Variants in VWA8 observed in about 807,000 individuals in gnomAD.
The protein encoded by VWA8 is von Willebrand factor A domain containing 8.
Under a neutral mutation model 241.5 loss-of-function variants are expected in VWA8, and 221 were observed. The observed-to-expected ratio is 0.91, with a 90% CI of 0.82 to 1.02. VWA8 has a LOEUF of 1.02. VWA8 is among the 50% of genes least tolerant of loss of function. VWA8 has a pLI of 0.00. For missense variants in VWA8, 2,322 were observed against 2,328.7 expected, an observed-to-expected ratio of 1.00 and a Z score of 0.06; for synonymous variants, 852 against 827.1, an observed-to-expected ratio of 1.03 and a Z score of -0.52.
intron 37 of VWA8, among the ~76,000 whole-genome samples, chr13:41,643,791 G>T (rs535328148): frequency 6.6e-6 from 1 of 151,948 alleles, no homozygotes; most frequent in South Asian, 2.1e-4. Context: ...AAAGAAAGCA[G>T]CTCTTTCTGT....
At chr13:41,798,069 A>C (rs1239504676) in intron 17 of VWA8, among the ~76,000 whole-genome samples, 1 of 152,194 alleles carries the variant, frequency 6.6e-6, no homozygotes, top group Non-Finnish European at 1.5e-5. Flanking sequence ...ACACACACAT[A>C]CTTGAACTAA....
intron 21 of VWA8, among the ~76,000 whole-genome samples, chr13:41,736,131 G>C (rs1309051513): frequency 2.0e-5 from 3 of 152,098 alleles, no homozygotes; most frequent in Admixed American, 6.5e-5. Context: ...GCTTAAAAAA[G>C]AGATGTCTTT....
intron 26 of VWA8, among the ~76,000 whole-genome samples, chr13:41,714,757 C>T (rs370967354): frequency 7.9e-5 from 12 of 151,886 alleles, no homozygotes; most frequent in Non-Finnish European, 1.3e-4. Context: ...TTATCTGCTT[C>T]GTGGTTACTC....
At chr13:41,912,658 T>C (rs974638594) in intron 2 of VWA8, among the ~76,000 whole-genome samples, 1 of 152,208 alleles carries the variant, frequency 6.6e-6, no homozygotes, top group Non-Finnish European at 1.5e-5. Flanking sequence ...GAGAAAAGCA[T>C]ACTACAACTT....
intron 26 of VWA8, among the ~76,000 whole-genome samples, chr13:41,713,993 TAGAA>T (rs1290345835): frequency 2.0e-5 from 3 of 151,928 alleles, no homozygotes; most frequent in South Asian, 4.1e-4. Flanking sequence ...TAAAAATAAT[TAGAA>T]AGAAATATTT....
chr13:41,935,479 G>A lies in VWA8; in HGVS notation c.241+14457C>T, dbSNP rs558282065. Among the ~76,000 whole-genome samples the A allele has an allele frequency of 2.4e-4, 36 of 152,024 alleles. 2 individuals are homozygous for A. Among genetic ancestry groups the A allele is most frequent in the Non-Finnish European group, 1.3e-4 (9 of 67,928 alleles). ...TTGTGGGTCAGGTCATAGAAAAAGC[G>A]GTTAGAACTTATAATAGATGTATAT... is the stretch of plus-strand genomic sequence containing the variant. On this transcript the variant is annotated intron_variant, in intron 2 of 44. Coordinates refer to ENST00000379310, the MANE Select transcript of VWA8 (RefSeq NM_015058.2).
In VWA8 at chr13:41,961,064, G is replaced by T; in HGVS notation, c.-49C>A. 2 of 1,350,876 alleles carry T rather than the reference G, an allele frequency of 1.5e-6. No homozygotes were observed. The highest frequency in any genetic ancestry group is 1.9e-6 in the Non-Finnish European group (2 of 1,055,804). The allele number at this position is 1,350,876 out of a possible 1,614,324, so 83.7% of individuals were successfully genotyped here. A position where few individuals can be genotyped will look rare whatever the true frequency, so the allele number is the denominator to read the frequency against. ...CGGCGAGGGGGCTCGGGGATCGAGC[G>T]GCGTCCCGTGCAGGCACCGTGAGGC... On this transcript the variant is annotated 5_prime_UTR_variant, in exon 1 of 45. Transcript: ENST00000379310.
chr13:41,615,291 A>T (rs893084752), intron 37 of VWA8, among the ~76,000 whole-genome samples: 5 of 152,212 alleles, frequency 3.3e-5, no homozygotes, highest in Admixed American at 2.0e-4. Context: ...CTAATTTTTT[A>T]AAAAACTCTT....
At chr13:41,816,649 C>G in intron 16 of VWA8, 49 bp downstream of exon 16, 2 of 1,525,454 alleles carry the variant, frequency 1.3e-6, no homozygotes, top group South Asian at 2.4e-5. Context: ...AAAAGAAAAC[C>G]AGCAGCATGT....
chr13:41,602,670 G>C (rs1265602276), intron 40 of VWA8, among the ~76,000 whole-genome samples: 1 of 152,098 alleles, frequency 6.6e-6, no homozygotes, highest in Non-Finnish European at 1.5e-5. Flanking sequence ...TCCTTCTATA[G>C]AGAATGCTGC....
At chr13:41,913,708 G>C (rs541277307) in intron 2 of VWA8, among the ~76,000 whole-genome samples, 1 of 152,266 alleles carries the variant, frequency 6.6e-6, no homozygotes, top group Non-Finnish European at 1.5e-5. Context: ...TGGGTAAATT[G>C]TTTGGTTTAT....
At chr13:41,597,595 G>A (rs2044496893) in intron 40 of VWA8, among the ~76,000 whole-genome samples, 1 of 151,976 alleles carries the variant, frequency 6.6e-6, no homozygotes, top group South Asian at 2.1e-4. Context: ...ATTATGTTGA[G>A]TAACACTATA....
At position 41,833,523 on chromosome 13, in the gene VWA8, T is replaced by C. The variant is rs1427570078; in HGVS notation, c.1434A>G (p.Thr478=). ...ATCTCTGCTGTAGCAGATCACGCGC[T>C]GTCATATCCTAAAACAAATCCCCAC... ...IEPIMLYQDM[T]ARDLLQQRYT... Residue 478 remains threonine (T), a synonymous_variant, in exon 13 of 45, where the codon ACA becomes ACG. Transcript: ENST00000379310. 2.5e-6 allele frequency: 4 copies of C among 1,605,240 alleles called. No homozygotes were observed. Among genetic ancestry groups the C allele is most frequent in the Non-Finnish European group, 3.4e-6 (4 of 1,176,836 alleles).
At chr13:41,740,357 A>G (rs895162490) in intron 21 of VWA8, among the ~76,000 whole-genome samples, 5 of 152,200 alleles carry the variant, frequency 3.3e-5, no homozygotes, top group Non-Finnish European at 5.9e-5. Context: ...AAGCTATTCC[A>G]TAATATACCT....
chr13:41,745,553 G>A (rs1299069062), intron 21 of VWA8, among the ~76,000 whole-genome samples: 1 of 152,176 alleles, frequency 6.6e-6, no homozygotes, highest in East Asian at 1.9e-4. Flanking sequence ...CAAAGGATAT[G>A]AACAGACACT....
chr13:41,855,663 G>A (rs1465837332), intron 12 of VWA8, among the ~76,000 whole-genome samples: 1 of 152,044 alleles, frequency 6.6e-6, no homozygotes, highest in Non-Finnish European at 1.5e-5. Flanking sequence ...GCCAGGGGCT[G>A]GGTTTGGGTG....
chr13:41,675,398 T>A, intron 35 of VWA8, 102 bp from the exon 36 acceptor site: 1 of 750,842 alleles, frequency 1.3e-6, no homozygotes, highest in Non-Finnish European at 2.2e-6. Context: ...GGTAGAACGC[T>A]GGGATCTACT....
chr13:41,689,406 A>T lies in VWA8; in HGVS notation c.4079T>A (p.Leu1360His), dbSNP rs768957129. ...EQKIASPNRILSDEKNYATIV... is the reference protein window; with the variant it reads ...EQKIASPNRIHSDEKNYATIV... Reference sequence around the variant, plus strand: ...TGTAGCATAATTTTTCTCATCTGAGAGAATTCTGTTGGGAGAGGCAATCTT... The same window carrying T: ...TGTAGCATAATTTTTCTCATCTGAGTGAATTCTGTTGGGAGAGGCAATCTT... The change falls in exon 34 of 45, where the codon CTC (leucine) becomes CAC (histidine). Residue 1360 changes from leucine (L) to histidine (H), a missense_variant. Leu to His is a moderately conservative substitution (Grantham distance 99). Transcript: ENST00000379310. The T allele has an allele frequency of 1.9e-6, 3 of 1,612,080 alleles. No individual in the cohort carries two copies. The Admixed American group carries it at 5.0e-5, about 27-fold the overall frequency.
At chr13:41,719,796 T>C in intron 25 of VWA8, 54 bp from the exon 26 acceptor site, 2 of 1,496,530 alleles carry the variant, frequency 1.3e-6, no homozygotes, top group Non-Finnish European at 1.8e-6. Flanking sequence ...TACAACATTA[T>C]AAAGATTTAT....
Sources: allele counts gnomAD v4.1 joint callset (sites outside exome capture counted in the v4.1 genomes callset), GRCh38; gene constraint gnomAD v4.1.1; transcripts MANE v1.5; gene names NCBI Gene and HGNC (gene_info 2026-07-23, HGNC 2026-07-21).